The following CDH13 variants were observed in gnomAD, a reference collection of about 807,000 sequenced individuals.
CDH13 encodes the protein cadherin 13.
A neutral mutation model predicts 63.8 loss-of-function variants in CDH13; 24 were observed. The ratio of observed to expected loss-of-function variants is 0.38; its 90% confidence interval spans 0.27 to 0.53. The LOEUF is 0.53. Among genes scored for constraint, CDH13 ranks in the 20% least tolerant of loss-of-function variants. CDH13 has a pLI of 0.85. For missense variants in CDH13, 1,049 were observed against 903.1 expected (o/e 1.16, Z -2.07); for synonymous variants, 503 against 355.3 (o/e 1.42, Z -4.67).
At chr16:82,648,507 A>G (rs1910362398) in intron 1 of CDH13, among the ~76,000 whole-genome samples, 1 of 152,212 alleles carries the variant, frequency 6.6e-6, no homozygotes, top group African/African-American at 2.4e-5. Context: ...TGATAATGGC[A>G]TGGAAAAATC....
intron 4 of CDH13, among the ~76,000 whole-genome samples, chr16:83,134,386 C>T (rs1426424438): frequency 6.6e-6 from 1 of 152,028 alleles, no homozygotes; most frequent in Non-Finnish European, 1.5e-5. Flanking sequence ...GATGAGCTTT[C>T]ACCATGTTAG....
chr16:82,930,039 CTTTTTTTT>C (rs71146098), intron 2 of CDH13, among the ~76,000 whole-genome samples: 1 of 94,752 alleles, frequency 1.1e-5, no homozygotes, highest in Non-Finnish European at 2.1e-5. Flanking sequence ...TAGTTTGTCT[CTTTTTTTT>C]TTTTTTTTTT....
intron 8 of CDH13, among the ~76,000 whole-genome samples, chr16:83,643,169 A>T (rs1911453459): frequency 1.5e-5 from 1 of 67,412 alleles, no homozygotes; most frequent in Non-Finnish European, 2.7e-5. Context: ...GCATTGGGAG[A>T]TATACCTAAT....
intron 6 of CDH13, among the ~76,000 whole-genome samples, chr16:83,409,023 G>C (rs999057205): frequency 6.6e-6 from 1 of 152,092 alleles, no homozygotes; most frequent in African/African-American, 2.4e-5. Context: ...GTGGTTTATT[G>C]TTGGTTTCCA....
chr16:83,201,897 A>T (rs1009106773), intron 4 of CDH13, among the ~76,000 whole-genome samples: 15 of 152,314 alleles, frequency 9.8e-5, no homozygotes, highest in African/African-American at 3.6e-4. Flanking sequence ...CCTAGGCAAC[A>T]GAGCGAGACT....
At chr16:83,652,548 T>C (rs1487182613) in intron 8 of CDH13, among the ~76,000 whole-genome samples, 4 of 152,120 alleles carry the variant, frequency 2.6e-5, no homozygotes, top group African/African-American at 7.2e-5. Context: ...CCAAAGGTTT[T>C]GAAAGAGACA....
At chr16:83,362,192 C>T (rs1171776460) in intron 6 of CDH13, among the ~76,000 whole-genome samples, 4 of 152,140 alleles carry the variant, frequency 2.6e-5, no homozygotes, top group Non-Finnish European at 4.4e-5. Context: ...TTCAGGAGCC[C>T]ACCAGTGATT....
At chr16:83,702,166 T>A (rs1171836467) in intron 10 of CDH13, among the ~76,000 whole-genome samples, 1 of 152,220 alleles carries the variant, frequency 6.6e-6, no homozygotes, top group East Asian at 1.9e-4. Context: ...TACAAAAATC[T>A]GACGTATTCC....
intron 6 of CDH13, among the ~76,000 whole-genome samples, chr16:83,448,326 C>T (rs1240246666): frequency 6.6e-6 from 1 of 152,054 alleles, no homozygotes; most frequent in Non-Finnish European, 1.5e-5. Flanking sequence ...GGTAGCTAGA[C>T]ATATAAATGC....
chr16:83,734,514 T>C (rs953083923), intron 10 of CDH13, among the ~76,000 whole-genome samples: 3 of 148,322 alleles, frequency 2.0e-5, no homozygotes, highest in Admixed American at 6.8e-5. Context: ...TTCTCACTCA[T>C]AGATGGGAAT....
chr16:83,056,849 C>G (rs967069820), intron 3 of CDH13, among the ~76,000 whole-genome samples: 8 of 152,206 alleles, frequency 5.3e-5, no homozygotes, highest in African/African-American at 1.9e-4. Flanking sequence ...TACACACGCT[C>G]TCTTGCCTGC....
At chr16:83,276,035 T>C (rs2088976747) in intron 5 of CDH13, among the ~76,000 whole-genome samples, 2 of 152,054 alleles carry the variant, frequency 1.3e-5, no homozygotes, top group Non-Finnish European at 2.9e-5. Flanking sequence ...AAGGAGTTAA[T>C]TAGAACCTGA....
intron 1 of CDH13, among the ~76,000 whole-genome samples, chr16:82,782,981 T>A (rs1002702723): frequency 1.3e-5 from 2 of 152,204 alleles, no homozygotes; most frequent in East Asian, 1.9e-4. Context: ...CTTTCCCAGG[T>A]GCTGTGAACC....
At chr16:83,579,183 C>T (rs1254258966) in intron 7 of CDH13, among the ~76,000 whole-genome samples, 1 of 152,210 alleles carries the variant, frequency 6.6e-6, no homozygotes, top group Non-Finnish European at 1.5e-5. Flanking sequence ...GCCCACTCTA[C>T]CTCACTGTTA....
intron 2 of CDH13, among the ~76,000 whole-genome samples, chr16:83,016,956 G>A (rs578201149): frequency 2.8e-4 from 42 of 152,090 alleles, no homozygotes; most frequent in Non-Finnish European, 5.6e-4. Context: ...TATTTGATGC[G>A]ATCTTGGGAT....
At chr16:82,993,275 C>G (rs957295131) in intron 2 of CDH13, among the ~76,000 whole-genome samples, 1 of 152,140 alleles carries the variant, frequency 6.6e-6, no homozygotes, top group Non-Finnish European at 1.5e-5. Context: ...GCTCTCCCAC[C>G]GTAGAGCATT....
intron 7 of CDH13, among the ~76,000 whole-genome samples, chr16:83,568,987 G>C (rs1392540612): frequency 3.3e-4 from 50 of 152,034 alleles, no homozygotes; most frequent in Admixed American, 3.3e-3. Flanking sequence ...CTGCTTGAAA[G>C]TACTGAAGGC....
intron 6 of CDH13, among the ~76,000 whole-genome samples, chr16:83,383,572 G>A (rs11639762): frequency 0.11 from 16,208 of 152,094 alleles, 1,127 homozygotes; most frequent in Non-Finnish European, 0.15. Flanking sequence ...TCTCCCATTA[G>A]TATATTCATT....
chr16:83,564,325 A>G (rs1240633832), intron 7 of CDH13, among the ~76,000 whole-genome samples: 1 of 151,982 alleles, frequency 6.6e-6, no homozygotes, highest in African/African-American at 2.4e-5. Context: ...ATAAGGCATT[A>G]ACATAAACCC....
Sources: gnomAD v4.1 joint callset for allele counts (sites outside exome capture counted in the v4.1 genomes callset) on GRCh38, gnomAD v4.1.1 for gene constraint, MANE v1.5 for transcripts, NCBI Gene and HGNC (gene_info 2026-07-23, HGNC 2026-07-21) for gene names.